CAMK1D: variants seen among roughly 807,000 people sequenced by gnomAD.
CAMK1D encodes the protein calcium/calmodulin dependent protein kinase ID.
CAMK1D carries 9 observed loss-of-function variants against 47.7 expected under a neutral mutation model. That is an observed-to-expected ratio of 0.19 (90% CI 0.11 to 0.33). The LOEUF (loss-of-function observed/expected upper bound fraction) is 0.33, where lower values mean the gene tolerates loss of function less well. Among genes scored for constraint, CAMK1D ranks in the 10% least tolerant of loss-of-function variants. The pLI is 1.00. For synonymous variants in CAMK1D, 184 were observed against 184.9 expected (o/e 0.99, Z 0.04); for missense variants, 291 against 488.7 (o/e 0.60, Z 3.81).
At position 12,829,312 on chromosome 10, in the gene CAMK1D, G is replaced by A. The variant is rs1465817214; in HGVS notation, c.*425G>A. The A allele has an allele frequency of 6.5e-6, 1 of 154,008 alleles. No homozygotes were observed. The highest frequency in any genetic ancestry group is 1.9e-4 in the East Asian group (1 of 5,272). 9.5% of individuals were successfully genotyped at this position (154,008 alleles called of 1,614,324 possible). A position where few individuals can be genotyped will look rare whatever the true frequency, so the allele number is the denominator to read the frequency against. On this transcript the variant is annotated 3_prime_UTR_variant, in exon 11 of 11. Transcript: ENST00000619168. ...CATTAGGGTTTGTTTTTCCTTTTAAGAAGTATGTCCTTTGTATCTCTAAGT... is the reference window on the plus strand; with the variant it reads ...CATTAGGGTTTGTTTTTCCTTTTAAAAAGTATGTCCTTTGTATCTCTAAGT...
At chr10:12,778,707 G>A (rs143170625) in intron 5 of CAMK1D, among the ~76,000 whole-genome samples, 76 of 152,068 alleles carry the variant, frequency 5.0e-4, no homozygotes, top group African/African-American at 1.8e-3. Context: ...TAAGACCCCT[G>A]TCTCTCTAAA....
intron 5 of CAMK1D, among the ~76,000 whole-genome samples, chr10:12,773,306 G>A (rs1837126687): frequency 2.0e-5 from 3 of 152,184 alleles, no homozygotes; most frequent in Admixed American, 2.0e-4. Context: ...GGTATCCACA[G>A]GGGCTGGGTT....
intron 2 of CAMK1D, among the ~76,000 whole-genome samples, chr10:12,615,680 T>C (rs1018481155): frequency 1.4e-5 from 2 of 146,266 alleles, no homozygotes; most frequent in African/African-American, 5.4e-5. Flanking sequence ...TATTTGTGTA[T>C]AGGTGTGTGT....
At chr10:12,664,911 G>T (rs752079368) in intron 2 of CAMK1D, among the ~76,000 whole-genome samples, 11 of 152,210 alleles carry the variant, frequency 7.2e-5, no homozygotes, top group Non-Finnish European at 1.5e-4. Flanking sequence ...TTATGAGCAT[G>T]TGATTGATTC....
intron 1 of CAMK1D, among the ~76,000 whole-genome samples, chr10:12,525,730 T>C (rs1295106888): frequency 6.6e-6 from 1 of 152,186 alleles, no homozygotes; most frequent in East Asian, 1.9e-4. Context: ...TTGTTTAGTA[T>C]GATGAATAAT....
intron 1 of CAMK1D, among the ~76,000 whole-genome samples, chr10:12,357,801 CTTTGACT>C (rs2131836527): frequency 6.6e-6 from 1 of 152,216 alleles, no homozygotes; most frequent in Admixed American, 6.5e-5. Context: ...GGCTATGCCC[CTTTGACT>C]TTCTGTGGTG....
chr10:12,699,586 C>A (rs1035838898), intron 3 of CAMK1D, among the ~76,000 whole-genome samples: 3 of 151,248 alleles, frequency 2.0e-5, no homozygotes, highest in African/African-American at 2.4e-5. Context: ...ATTGAGATGT[C>A]TGTGGTGTTG....
chr10:12,524,081 A>G (rs956071189), intron 1 of CAMK1D, among the ~76,000 whole-genome samples: 1 of 151,784 alleles, frequency 6.6e-6, no homozygotes, highest in African/African-American at 2.4e-5. Context: ...TTTAGTAGAG[A>G]CAGGGTTTCA....
intron 3 of CAMK1D, among the ~76,000 whole-genome samples, chr10:12,701,101 A>G (rs182844612): frequency 6.7e-6 from 1 of 149,326 alleles, no homozygotes; most frequent in African/African-American, 2.5e-5. Context: ...TTGCCCATAG[A>G]TTCTTCTTTT....
At chr10:12,721,873 A>G (rs1834391763) in intron 3 of CAMK1D, among the ~76,000 whole-genome samples, 1 of 152,200 alleles carries the variant, frequency 6.6e-6, no homozygotes, top group South Asian at 2.1e-4. Context: ...CCTAATGTCT[A>G]TAACAGAGGT....
intron 2 of CAMK1D, among the ~76,000 whole-genome samples, chr10:12,612,982 TTCTC>T (rs1455327657): frequency 6.6e-6 from 1 of 152,166 alleles, no homozygotes; most frequent in Non-Finnish European, 1.5e-5. Context: ...CCGCATCTCT[TTCTC>T]AAGACCTGAC....
chr10:12,700,220 C>G (rs567401704), intron 3 of CAMK1D, among the ~76,000 whole-genome samples: 3 of 152,256 alleles, frequency 2.0e-5, no homozygotes, highest in African/African-American at 7.2e-5. Context: ...ATACCAGAAA[C>G]TAGGTAATTT....
At chr10:12,455,285 C>G (rs1833207336) in intron 1 of CAMK1D, among the ~76,000 whole-genome samples, 1 of 152,210 alleles carries the variant, frequency 6.6e-6, no homozygotes, top group Non-Finnish European at 1.5e-5. Context: ...AATCCTCCTG[C>G]CACAGTGTCC....
In CAMK1D at chr10:12,620,186, C is replaced by CAAAAAAAAAAAAAAAAAAAAAAAAAA. The variant is rs56027797; in HGVS notation, c.225-46543_225-46518dup. On this transcript the variant is annotated intron_variant, in intron 2 of 10. Coordinates refer to ENST00000619168, the MANE Select transcript of CAMK1D (RefSeq NM_153498.4). ...TGGGCGACAGAGCGAGACTCCGTCT[C>CAAAAAAAAAAAAAAAAAAAAAAAAAA]AAAAAAAAAAAAAAAAAAAAAAAAA... Among the ~76,000 whole-genome samples, 67 of 86,586 alleles carry CAAAAAAAAAAAAAAAAAAAAAAAAAA rather than the reference C, an allele frequency of 7.7e-4. 1 individual carries two copies. The highest frequency in any genetic ancestry group is 1.0e-3 in the Non-Finnish European group (49 of 47,084). The allele number at this position is 86,586 out of a possible 152,430, so 56.8% of individuals were successfully genotyped here. A position where few individuals can be genotyped will look rare whatever the true frequency, so the allele number is the denominator to read the frequency against.
At chr10:12,753,646 G>A (rs1000217338) in intron 3 of CAMK1D, among the ~76,000 whole-genome samples, 2 of 152,152 alleles carry the variant, frequency 1.3e-5, no homozygotes, top group South Asian at 2.1e-4. Flanking sequence ...TGGCTGCCTC[G>A]TTCCTGTCCT....
At chr10:12,691,397 A>T (rs1832905420) in intron 3 of CAMK1D, among the ~76,000 whole-genome samples, 2 of 7,154 alleles carry the variant, frequency 2.8e-4, no homozygotes, top group African/African-American at 5.0e-4. Flanking sequence ...ATATATATAT[A>T]TATATAAATA....
chr10:12,656,363 A>G (rs372205070), intron 2 of CAMK1D, among the ~76,000 whole-genome samples: 1 of 152,190 alleles, frequency 6.6e-6, no homozygotes, highest in African/African-American at 2.4e-5. Context: ...GTGGTGGCAC[A>G]TGCCTGTGGT....
intron 5 of CAMK1D, among the ~76,000 whole-genome samples, chr10:12,771,369 CAGGCTGAGG>C (rs1384602853): frequency 6.6e-6 from 1 of 152,240 alleles, no homozygotes; most frequent in Non-Finnish European, 1.5e-5. Flanking sequence ...CCTTCCCAGG[CAGGCTGAGG>C]AGAGCCGGCC....
At chr10:12,687,041 C>T (rs906946160) in intron 3 of CAMK1D, among the ~76,000 whole-genome samples, 4 of 151,968 alleles carry the variant, frequency 2.6e-5, no homozygotes, top group East Asian at 3.8e-4. Flanking sequence ...GCAATCAGAG[C>T]GTAAAATCTT....
Sources: allele counts gnomAD v4.1 joint callset (sites outside exome capture counted in the v4.1 genomes callset), GRCh38; gene constraint gnomAD v4.1.1; transcripts MANE v1.5; gene names NCBI Gene and HGNC (gene_info 2026-07-23, HGNC 2026-07-21).